POU6F2: variants seen among roughly 807,000 people sequenced by gnomAD.
The protein encoded by POU6F2 is POU domain, class 6, transcription factor 2.
Under a neutral mutation model 71.3 loss-of-function variants are expected in POU6F2, and 31 were observed. The observed-to-expected ratio is 0.43, with a 90% CI of 0.33 to 0.59. The LOEUF (loss-of-function observed/expected upper bound fraction) is 0.59. Ranked by LOEUF, POU6F2 falls within the 20% of genes least tolerant of loss-of-function variation. The pLI is 0.04. For synonymous variants in POU6F2, 347 were observed against 355.7 expected, an observed-to-expected ratio of 0.98 and a Z score of 0.27; for missense variants, 783 against 856.8, an observed-to-expected ratio of 0.91 and a Z score of 1.07.
chr7:39,135,250 C>G (rs1315653839), intron 2 of POU6F2, among the ~76,000 whole-genome samples: 4 of 152,108 alleles, frequency 2.6e-5, no homozygotes, highest in Admixed American at 6.5e-5. Context: ...AGTCTATTAA[C>G]TCAAATATTT....
intron 2 of POU6F2, among the ~76,000 whole-genome samples, chr7:39,153,687 C>T (rs143264494): frequency 6.6e-6 from 1 of 152,140 alleles, no homozygotes; most frequent in Non-Finnish European, 1.5e-5. Flanking sequence ...CAGATAAAGT[C>T]GTGGTGCTAC....
At chr7:39,277,716 TA>T (rs1267353904) in intron 4 of POU6F2, among the ~76,000 whole-genome samples, 3 of 151,952 alleles carry the variant, frequency 2.0e-5, no homozygotes, top group Admixed American at 6.6e-5. Context: ...CCGAAGTGGT[TA>T]GGGGGAAATT....
chr7:39,387,770 A>G lies in POU6F2; in HGVS notation c.973-18830A>G, dbSNP rs575056450. On this transcript the variant is annotated intron_variant, in intron 5 of 9. Transcript: ENST00000518318. ...GTCATGGAACATTATGCTTTAATCA[A>G]TCATTGATGGAGTCCATTGGCTGTC... Among the ~76,000 whole-genome samples, 68 of 152,316 alleles carry G rather than the reference A, an allele frequency of 4.5e-4. 2 individuals carry two copies. In the South Asian group the frequency reaches 0.01, roughly 23 times the overall value.
chr7:39,434,640 A>G (rs11979059), intron 7 of POU6F2, among the ~76,000 whole-genome samples: 1 of 150,796 alleles, frequency 6.6e-6, no homozygotes, highest in South Asian at 2.1e-4. Context: ...GGTTTTTTTT[A>G]AACTTCTTCT....
chr7:39,269,323 A>T (rs1449609172), intron 4 of POU6F2, among the ~76,000 whole-genome samples: 5 of 152,132 alleles, frequency 3.3e-5, no homozygotes, highest in Admixed American at 3.3e-4. Context: ...GGGTTGTCTC[A>T]TTTCAGCGTG....
chr7:38,992,298 C>T (rs1374171606), intron 1 of POU6F2, among the ~76,000 whole-genome samples: 2 of 152,176 alleles, frequency 1.3e-5, no homozygotes, highest in Admixed American at 6.5e-5. Flanking sequence ...AGCTTCATTT[C>T]AGAGTGTATA....
chr7:39,288,754 A>G (rs1431886680), intron 4 of POU6F2, among the ~76,000 whole-genome samples: 4 of 152,222 alleles, frequency 2.6e-5, no homozygotes, highest in African/African-American at 4.8e-5. Context: ...TGTCTGGCAC[A>G]TAGAAGACGC....
At chr7:39,373,118 G>A (rs1583557829) in intron 5 of POU6F2, among the ~76,000 whole-genome samples, 2 of 152,124 alleles carry the variant, frequency 1.3e-5, no homozygotes, top group African/African-American at 2.4e-5. Context: ...TAAAGTGTCA[G>A]CGTCATAGAT....
At chr7:39,114,569 TA>T (rs1381438685) in intron 2 of POU6F2, among the ~76,000 whole-genome samples, 1 of 151,920 alleles carries the variant, frequency 6.6e-6, no homozygotes, top group Non-Finnish European at 1.5e-5. Context: ...TTGAAGTTAA[TA>T]AAAAGGTGAT....
At chr7:39,137,271 T>C (rs555566646) in intron 2 of POU6F2, among the ~76,000 whole-genome samples, 2 of 151,860 alleles carry the variant, frequency 1.3e-5, no homozygotes, top group African/African-American at 4.8e-5. Context: ...TTATTATGAG[T>C]CAACTGAAAA....
intron 2 of POU6F2, among the ~76,000 whole-genome samples, chr7:39,143,180 T>C (rs1792541271): frequency 6.6e-6 from 1 of 152,230 alleles, no homozygotes; most frequent in Non-Finnish European, 1.5e-5. Flanking sequence ...TTTGGTGGTC[T>C]CCAAGTTGGT....
rs1784743880 is a variant in POU6F2 at position 39,290,979 on chromosome 7, A to C, written c.599-48663A>C. ...TGGATTTATCAAGCCCCTTTGGTCC[A>C]GGTCTCTGAACTAATATTTAGAGGC... On this transcript the variant is annotated intron_variant, in intron 4 of 9. Transcript: ENST00000518318. Among the ~76,000 whole-genome samples, 3 of 147,592 alleles carry C rather than the reference A, an allele frequency of 2.0e-5. No homozygotes were observed. The South Asian group carries it at 6.6e-4, about 33-fold the overall frequency.
At chr7:39,251,024 C>T (rs942053118) in intron 4 of POU6F2, among the ~76,000 whole-genome samples, 17 of 152,206 alleles carry the variant, frequency 1.1e-4, no homozygotes, top group Admixed American at 1.3e-4. Context: ...CAAAATTAAA[C>T]ACTTGAAACT....
chr7:39,200,461 T>C (rs4323393), intron 2 of POU6F2, among the ~76,000 whole-genome samples: 44,315 of 152,072 alleles, frequency 0.29, 6,913 homozygotes, highest in East Asian at 0.71. Context: ...TATGCTACCA[T>C]GGACTAAAGG....
chr7:39,012,868 G>A (rs2128703830), intron 1 of POU6F2, among the ~76,000 whole-genome samples: 1 of 152,270 alleles, frequency 6.6e-6, no homozygotes, highest in Admixed American at 6.5e-5. Context: ...CACTTGAGGA[G>A]GCAGTCTGCC....
At chr7:39,170,819 TATAC>T (rs1562732370) in intron 2 of POU6F2, among the ~76,000 whole-genome samples, 2 of 152,056 alleles carry the variant, frequency 1.3e-5, no homozygotes, top group African/African-American at 4.8e-5. Flanking sequence ...TTACACATTG[TATAC>T]ATGTATCAAA....
chr7:39,002,213 T>A (rs890195580), intron 1 of POU6F2: 1 of 152,214 alleles, frequency 6.6e-6, no homozygotes, highest in Non-Finnish European at 1.5e-5. Flanking sequence ...TGATAGGTAA[T>A]GAATTCTAGG....
intron 4 of POU6F2, among the ~76,000 whole-genome samples, chr7:39,282,933 A>T (rs1784585302): frequency 6.6e-6 from 1 of 152,020 alleles, no homozygotes; most frequent in African/African-American, 2.4e-5. Flanking sequence ...CTTTCCATTT[A>T]TGTGTATCCT....
chr7:39,442,251 G>A (rs1215437506), intron 7 of POU6F2, among the ~76,000 whole-genome samples: 1 of 152,224 alleles, frequency 6.6e-6, no homozygotes, highest in Non-Finnish European at 1.5e-5. Context: ...CCTTCATGGA[G>A]CTTATGGGGT....
Sources: allele counts gnomAD v4.1 joint callset (sites outside exome capture counted in the v4.1 genomes callset), GRCh38; gene constraint gnomAD v4.1.1; transcripts MANE v1.5; gene names NCBI Gene and HGNC (gene_info 2026-07-23, HGNC 2026-07-21).